TADA2B: variants seen among roughly 807,000 people sequenced by gnomAD.
TADA2B encodes the protein transcriptional adapter 2-beta.
A neutral mutation model predicts 34.5 loss-of-function variants in TADA2B; 13 were observed. The observed-to-expected ratio is 0.38, with a 90% CI of 0.25 to 0.60. The LOEUF is 0.60. Among genes scored for constraint, TADA2B ranks in the 20% least tolerant of loss-of-function variants. The pLI is 0.65. For missense variants in TADA2B, 442 were observed against 575.0 expected (o/e 0.77, Z 2.37); for synonymous variants, 240 against 243.4 (o/e 0.99, Z 0.13).
At position 7,054,063 on chromosome 4, in the gene TADA2B, A is replaced by G. The variant is rs898773430; in HGVS notation, c.272A>G (p.Glu91Gly). The change falls in exon 2 of 2, where the codon GAA becomes GGA. Residue 91 changes from glutamate (E) to glycine (G), a missense_variant and splice_region_variant. Coordinates refer to ENST00000310074, the MANE Select transcript of TADA2B (RefSeq NM_152293.3). Reference protein sequence around the residue: ...AIEQFGFGNWEDMAAHVGASR... With the variant: ...AIEQFGFGNWGDMAAHVGASR... ...AACTTCTGCCCTTTGTCATCGTAGG[A>G]AGATATGGCTGCCCACGTTGGTGCT... The G allele has an allele frequency of 6.4e-7, 1 of 1,571,180 alleles. No individual in the cohort carries two copies. Among genetic ancestry groups the G allele is most frequent in the Non-Finnish European group, 8.7e-7 (1 of 1,154,638 alleles).
In TADA2B at chr4:7,054,276, A is replaced by G; in HGVS notation, c.485A>G (p.Gln162Arg). 2 of 1,612,884 alleles carry G rather than the reference A, an allele frequency of 1.2e-6. No individual in the cohort carries two copies. Among genetic ancestry groups the G allele is most frequent in the Non-Finnish European group, 1.7e-6 (2 of 1,179,634 alleles). ...CTGGACATCTCTGTGGCTGAGCAGCAGCAGCTGGGCTACATGCCGCTGCGG... is the reference window on the plus strand; with the variant it reads ...CTGGACATCTCTGTGGCTGAGCAGCGGCAGCTGGGCTACATGCCGCTGCGG... ...PPLDISVAEQQQLGYMPLRDD... is the reference protein window; with the variant it reads ...PPLDISVAEQRQLGYMPLRDD... The change falls in exon 2 of 2, where the codon CAG becomes CGG. Residue 162 changes from glutamine (Q) to arginine (R), a missense_variant. Gln to Arg is a conservative substitution (Grantham distance 43). Transcript: ENST00000310074.
At chr4:7,051,788 G>A (rs1250796696) in intron 1 of TADA2B, among the ~76,000 whole-genome samples, 1 of 152,118 alleles carries the variant, frequency 6.6e-6, no homozygotes, top group Non-Finnish European at 1.5e-5. Flanking sequence ...TAGTAGAGAC[G>A]GGGTTTCACC....
intron 1 of TADA2B, among the ~76,000 whole-genome samples, chr4:7,050,835 C>A (rs1343396973): frequency 1.3e-5 from 2 of 152,234 alleles, no homozygotes; most frequent in African/African-American, 2.4e-5. Context: ...GCGGCTAGGA[C>A]CCCCTTCTGC....
intron 1 of TADA2B, among the ~76,000 whole-genome samples, chr4:7,048,556 A>T (rs1470804673): frequency 4.6e-5 from 7 of 152,212 alleles, no homozygotes; most frequent in Admixed American, 1.3e-4. Context: ...AAAATTATTT[A>T]AAAATATATT....
chr4:7,048,866 C>G (rs1723698703), intron 1 of TADA2B, among the ~76,000 whole-genome samples: 1 of 152,210 alleles, frequency 6.6e-6, no homozygotes, highest in South Asian at 2.1e-4. Flanking sequence ...CTCATGTCGT[C>G]AGGGATCATC....
rs1166950424 is a variant in TADA2B at position 7,057,384 on chromosome 4, G to A, written c.*2330G>A. 2 of 152,222 alleles carry A rather than the reference G, an allele frequency of 1.3e-5. No homozygotes were observed. Among genetic ancestry groups the A allele is most frequent in the Middle Eastern group, 3.2e-3 (1 of 316 alleles). The allele number at this position is 152,222 out of a possible 1,614,324, so 9.4% of individuals were successfully genotyped here. A position where few individuals can be genotyped will look rare whatever the true frequency, so the allele number is the denominator to read the frequency against. On this transcript the variant is annotated 3_prime_UTR_variant, in exon 2 of 2. Coordinates refer to ENST00000310074, the MANE Select transcript of TADA2B (RefSeq NM_152293.3). ...GTGATTGGCTGCCTGTTAGCCCATCGACTATTCCCGTCACGGTAGTCCTTA... is the reference window on the plus strand; with the variant it reads ...GTGATTGGCTGCCTGTTAGCCCATCAACTATTCCCGTCACGGTAGTCCTTA...
At chr4:7,051,849 G>A (rs552497609) in intron 1 of TADA2B, among the ~76,000 whole-genome samples, 38 of 151,546 alleles carry the variant, frequency 2.5e-4, no homozygotes, top group Admixed American at 6.6e-4. Context: ...CGCCTGCCTC[G>A]GCCTCCCAAA....
intron 1 of TADA2B, among the ~76,000 whole-genome samples, chr4:7,049,622 T>G (rs1449162925): frequency 6.6e-6 from 1 of 152,180 alleles, no homozygotes; most frequent in African/African-American, 2.4e-5. Context: ...CTGGAAGCAG[T>G]GGCTGCAAAG....
At chr4:7,043,931 G>T in intron 1 of TADA2B, 82 bp downstream of exon 1, 3 of 1,369,910 alleles carry the variant, frequency 2.2e-6, no homozygotes, top group Non-Finnish European at 2.8e-6. Context: ...CGCAGGCAGC[G>T]CTGGACCTGC....
At chr4:7,054,004 C>T (rs1240015589) in intron 1 of TADA2B, 58 bp from the exon 2 acceptor site, 80 of 1,493,796 alleles carry the variant, frequency 5.4e-5, no homozygotes, top group Non-Finnish European at 6.6e-5. Flanking sequence ...AGAATCTGTG[C>T]GGAACCCAAA....
At position 7,043,588 on chromosome 4, in the gene TADA2B, G is replaced by A; in HGVS notation, c.9G>A (p.Glu3=). The change falls in exon 1 of 2, where the codon GAG becomes GAA. Residue 3 remains glutamate, a synonymous_variant. Transcript: ENST00000310074. The part of the protein sequence containing the change: MA[E]LGKKYCVYCL... ...GCGGCGAGCGGGGGAAGATGGCGGA[G>A]CTGGGGAAGAAGTACTGCGTGTACT... 1 of 1,291,134 alleles carries A rather than the reference G, an allele frequency of 7.7e-7. No individual in the cohort carries two copies. Among genetic ancestry groups the A allele is most frequent in the Non-Finnish European group, 9.9e-7 (1 of 1,005,872 alleles). 80.0% of individuals were successfully genotyped at this position (1,291,134 alleles called of 1,614,324 possible).
At chr4:7,052,639 G>T (rs1033825332) in intron 1 of TADA2B, among the ~76,000 whole-genome samples, 5 of 152,216 alleles carry the variant, frequency 3.3e-5, no homozygotes, top group Non-Finnish European at 5.9e-5. Context: ...TGACCAGCCT[G>T]GGTCACACAG....
chr4:7,053,948 G>A (rs770715849), intron 1 of TADA2B, 114 bp from the exon 2 acceptor site: 169 of 1,232,702 alleles, frequency 1.4e-4, no homozygotes, highest in Non-Finnish European at 1.7e-4. Context: ...GGTGGGTAAC[G>A]GTGCTGTAGG....
intron 1 of TADA2B, among the ~76,000 whole-genome samples, chr4:7,047,246 A>G (rs1723652754): frequency 6.6e-6 from 1 of 152,170 alleles, no homozygotes. Flanking sequence ...TGCCAAAGAA[A>G]TTGGGCTGAC....
chr4:7,051,916 A>G (rs1441570596), intron 1 of TADA2B, among the ~76,000 whole-genome samples: 1 of 152,212 alleles, frequency 6.6e-6, no homozygotes, highest in Non-Finnish European at 1.5e-5. Context: ...ATATTTTAAA[A>G]ACATCTCTGC....
At position 7,054,206 on chromosome 4, in the gene TADA2B, A is replaced by G. The variant is rs760366481; in HGVS notation, c.415A>G (p.Ser139Gly). Residue 139 changes from serine (S) to glycine (G), a missense_variant, in exon 2 of 2, where the codon AGC becomes GGC. Physicochemically the swap from Ser to Gly is moderately conservative, Grantham distance 56 (BLOSUM62 0). Around this residue, in one of 4 missense-constraint regions of TADA2B, gnomAD observed 222 missense variants for 235.2 expected, o/e 0.94. Transcript: ENST00000310074. ...CCGCGTGACAGACCACACCTGTCCC[A>G]GCGGAGGCCCCCTCTCACCCAGCCT... ...PNRVTDHTCP[S>G]GGPLSPSLTT... 15 of 1,606,660 alleles carry G rather than the reference A, an allele frequency of 9.3e-6. No individual in the cohort carries two copies. The highest frequency in any genetic ancestry group is 1.3e-5 in the Non-Finnish European group (15 of 1,176,712).
chr4:7,049,177 C>G (rs1723704867), intron 1 of TADA2B, among the ~76,000 whole-genome samples: 2 of 152,108 alleles, frequency 1.3e-5, no homozygotes, highest in South Asian at 4.1e-4. Flanking sequence ...CTCCTGGGCT[C>G]AAGCGATCCT....
intron 1 of TADA2B, among the ~76,000 whole-genome samples, chr4:7,044,505 G>A (rs1451461753): frequency 6.6e-6 from 1 of 152,184 alleles, no homozygotes; most frequent in Non-Finnish European, 1.5e-5. Context: ...TGTAGAGACA[G>A]CCCTGTGTGG....
intron 1 of TADA2B, among the ~76,000 whole-genome samples, chr4:7,050,751 A>C (rs1371029465): frequency 6.6e-6 from 1 of 152,218 alleles, no homozygotes; most frequent in East Asian, 1.9e-4. Context: ...CACGTCTCCA[A>C]CGTGCTTGTT....
Sources: gnomAD v4.1 joint callset for allele counts (sites outside exome capture counted in the v4.1 genomes callset) on GRCh38, gnomAD v4.1.1 for gene constraint, gnomAD v4.1.1 regional missense constraint, MANE v1.5 for transcripts, NCBI Gene and HGNC (gene_info 2026-07-23, HGNC 2026-07-21) for gene names.